Variants in ZFPM2 observed in about 807,000 individuals in gnomAD.
ZFPM2 encodes zinc finger protein ZFPM2.
A neutral mutation model predicts 98.6 loss-of-function variants in ZFPM2; 20 were observed. That is an observed-to-expected ratio of 0.20 (90% CI 0.14 to 0.29). The LOEUF is 0.29. Among genes scored for constraint, ZFPM2 ranks in the 10% least tolerant of loss-of-function variants. ZFPM2 has a pLI of 1.00. For missense variants in ZFPM2, 1,310 were observed against 1,388.6 expected (o/e 0.94, Z 0.90); for synonymous variants, 518 against 502.7 (o/e 1.03, Z -0.41).
intron 5 of ZFPM2, among the ~76,000 whole-genome samples, chr8:105,660,875 A>G (rs1315128806): frequency 6.6e-6 from 1 of 152,218 alleles, no homozygotes; most frequent in Non-Finnish European, 1.5e-5. Flanking sequence ...CATAGAAAGC[A>G]TCATATTGCA....
chr8:105,464,396 A>T (rs981898365), intron 3 of ZFPM2, among the ~76,000 whole-genome samples: 1 of 152,092 alleles, frequency 6.6e-6, no homozygotes, highest in Non-Finnish European at 1.5e-5. Context: ...AAAGTTTGCA[A>T]TGAATGGTGG....
At chr8:105,770,907 CA>C (rs1418722300) in intron 5 of ZFPM2, among the ~76,000 whole-genome samples, 1 of 152,134 alleles carries the variant, frequency 6.6e-6, no homozygotes, top group African/African-American at 2.4e-5. Flanking sequence ...AGGCATAAAG[CA>C]ATGCCAATCT....
In ZFPM2 at chr8:105,459,855, C is replaced by A. The variant is rs147545719; in HGVS notation, c.301+15474C>A. 6.9e-4 allele frequency among the ~76,000 whole-genome samples: 105 copies of A among 152,232 alleles called. 1 individual carries two copies. Among genetic ancestry groups the A allele is most frequent in the African/African-American group, 2.4e-3 (101 of 41,540 alleles). ...ATATGAGTTTTGGGGGAACACAGTTCAGTCCATAGTGGAGTGGATACGGTG... is the reference window on the plus strand; with the variant it reads ...ATATGAGTTTTGGGGGAACACAGTTAAGTCCATAGTGGAGTGGATACGGTG... On this transcript the variant is annotated intron_variant, in intron 3 of 7. Transcript: ENST00000407775.
intron 3 of ZFPM2, among the ~76,000 whole-genome samples, chr8:105,490,644 A>G (rs1488809083): frequency 6.6e-6 from 1 of 152,184 alleles, no homozygotes; most frequent in Non-Finnish European, 1.5e-5. Flanking sequence ...TTGTTGTAGC[A>G]TTTTATTTTC....
At chr8:105,774,871 G>A (rs1193082468) in intron 5 of ZFPM2, among the ~76,000 whole-genome samples, 1 of 151,972 alleles carries the variant, frequency 6.6e-6, no homozygotes, top group East Asian at 1.9e-4. Context: ...TCCAGCTTTT[G>A]GGAGGAGAAA....
intron 4 of ZFPM2, among the ~76,000 whole-genome samples, chr8:105,602,768 T>C (rs1816119490): frequency 6.6e-6 from 1 of 152,108 alleles, no homozygotes; most frequent in Non-Finnish European, 1.5e-5. Context: ...GAGTATTTTA[T>C]GTAATATAAT....
chr8:105,345,522 A>C (rs547236660), intron 1 of ZFPM2, among the ~76,000 whole-genome samples: 1 of 145,030 alleles, frequency 6.9e-6, no homozygotes, highest in South Asian at 2.1e-4. Flanking sequence ...CAGCAGCATC[A>C]TTTCTACCAT....
intron 1 of ZFPM2, among the ~76,000 whole-genome samples, chr8:105,371,543 C>T (rs1810621639): frequency 6.6e-6 from 1 of 152,090 alleles, no homozygotes; most frequent in Non-Finnish European, 1.5e-5. Flanking sequence ...GGCATAGATT[C>T]TTTAGAGCAA....
intron 4 of ZFPM2, among the ~76,000 whole-genome samples, chr8:105,602,033 C>G (rs1176557619): frequency 6.6e-6 from 1 of 152,016 alleles, no homozygotes; most frequent in Non-Finnish European, 1.5e-5. Context: ...CTCTCACGTC[C>G]AACTGCTCCT....
chr8:105,704,796 T>C (rs1586209014), intron 5 of ZFPM2, among the ~76,000 whole-genome samples: 1 of 152,326 alleles, frequency 6.6e-6, no homozygotes, highest in East Asian at 1.9e-4. Flanking sequence ...ACAAAAGCAC[T>C]GTATCCCCTG....
At chr8:105,534,643 A>T (rs1024948849) in intron 3 of ZFPM2, among the ~76,000 whole-genome samples, 5 of 152,146 alleles carry the variant, frequency 3.3e-5, no homozygotes, top group African/African-American at 1.2e-4. Flanking sequence ...ATCTAGACAA[A>T]GGAACAGCTG....
chr8:105,786,287 C>T (rs535649701), intron 5 of ZFPM2, among the ~76,000 whole-genome samples: 1 of 152,084 alleles, frequency 6.6e-6, no homozygotes, highest in African/African-American at 2.4e-5. Context: ...CAAGAAGTGT[C>T]AGTTACTCAG....
chr8:105,708,099 GT>G (rs1414598251), intron 5 of ZFPM2, among the ~76,000 whole-genome samples: 1 of 152,132 alleles, frequency 6.6e-6, no homozygotes. Flanking sequence ...GGATCTGACA[GT>G]TTTGACTTTC....
At chr8:105,511,573 G>C (rs1813818163) in intron 3 of ZFPM2, among the ~76,000 whole-genome samples, 1 of 152,144 alleles carries the variant, frequency 6.6e-6, no homozygotes, top group Non-Finnish European at 1.5e-5. Context: ...ATTTAATTTA[G>C]ACACTTTCTG....
Position 105,549,625 on chromosome 8 carries a change from T to A in ZFPM2, c.302-11738T>A, listed in dbSNP as rs531697032. 3.3e-3 allele frequency among the ~76,000 whole-genome samples: 492 copies of A among 149,140 alleles called. 5 individuals are homozygous for A. Among genetic ancestry groups the A allele is most frequent in the Non-Finnish European group, 5.4e-3 (365 of 67,304 alleles). ...TCTCTCTCTCTCTCTCTTTTTTTTT[T>A]AATTGAGACAGGGGCTCACTCTGTT... On this transcript the variant is annotated intron_variant, in intron 3 of 7. Coordinates refer to ENST00000407775, the MANE Select transcript of ZFPM2 (RefSeq NM_012082.4).
At chr8:105,747,679 A>T (rs1052964416) in intron 5 of ZFPM2, among the ~76,000 whole-genome samples, 4 of 152,076 alleles carry the variant, frequency 2.6e-5, no homozygotes, top group African/African-American at 9.7e-5. Context: ...TGCTGTGGAA[A>T]TGTGCAGGCT....
At chr8:105,743,706 C>G (rs1309281388) in intron 5 of ZFPM2, among the ~76,000 whole-genome samples, 4 of 151,978 alleles carry the variant, frequency 2.6e-5, no homozygotes, top group Non-Finnish European at 5.9e-5. Context: ...CTTTGTATAC[C>G]AAGTCTCTTT....
intron 4 of ZFPM2, among the ~76,000 whole-genome samples, chr8:105,567,342 T>A (rs1167334850): frequency 6.6e-6 from 1 of 152,140 alleles, no homozygotes. Flanking sequence ...TGCTGGAGAT[T>A]TCCTATTCCC....
chr8:105,758,229 CT>C (rs1384769148), intron 5 of ZFPM2, among the ~76,000 whole-genome samples: 1 of 152,126 alleles, frequency 6.6e-6, no homozygotes, highest in Non-Finnish European at 1.5e-5. Context: ...CTATCATTCA[CT>C]GGCTCTGGTG....
Sources: gnomAD v4.1 joint callset for allele counts (sites outside exome capture counted in the v4.1 genomes callset) on GRCh38, gnomAD v4.1.1 for gene constraint, MANE v1.5 for transcripts, NCBI Gene and HGNC (gene_info 2026-07-23, HGNC 2026-07-21) for gene names.